Variants in CORO2B observed in about 807,000 individuals in gnomAD.
The protein encoded by CORO2B is coronin-2B.
CORO2B carries 26 observed loss-of-function variants against 58.8 expected under a neutral mutation model. The observed-to-expected ratio is 0.44, with a 90% CI of 0.32 to 0.61. CORO2B has a LOEUF of 0.61. Ranked by LOEUF, CORO2B falls within the 20% of genes least tolerant of loss-of-function variation. The pLI, the probability that CORO2B is intolerant of heterozygous loss-of-function variation, is 0.04. For synonymous variants in CORO2B, 242 were observed against 253.8 expected, an observed-to-expected ratio of 0.95 and a Z score of 0.44; for missense variants, 460 against 645.1, an observed-to-expected ratio of 0.71 and a Z score of 3.11.
rs1900611189 is a variant in CORO2B, at chr15:68,624,227, T to C, written c.16-20933T>C. Among the ~76,000 whole-genome samples the C allele has an allele frequency of 2.0e-5, 3 of 152,272 alleles. No individual in the cohort carries two copies. The South Asian group carries it at 6.2e-4, about 32-fold the overall frequency. On this transcript the variant is annotated intron_variant, in intron 1 of 11. Transcript: ENST00000261861. Reference sequence around the variant, plus strand: ...CAATGTCGGCTATTAGAATCAGCCATGGCACAAGACTTGCAGTGGTGTGAG... The same window carrying C: ...CAATGTCGGCTATTAGAATCAGCCACGGCACAAGACTTGCAGTGGTGTGAG...
intron 1 of CORO2B, among the ~76,000 whole-genome samples, chr15:68,639,009 C>T (rs1901122436): frequency 6.6e-6 from 1 of 152,170 alleles, no homozygotes; most frequent in Non-Finnish European, 1.5e-5. Context: ...CTAATGGAGA[C>T]AGGGCTGCGT....
chr15:68,587,689 A>C (rs1253903060), intron 1 of CORO2B, among the ~76,000 whole-genome samples: 11 of 152,230 alleles, frequency 7.2e-5, no homozygotes, highest in African/African-American at 2.7e-4. Flanking sequence ...CCAAGCATAT[A>C]CAATATGTTT....
intron 2 of CORO2B, among the ~76,000 whole-genome samples, chr15:68,681,878 C>T (rs868567100): frequency 6.6e-6 from 1 of 152,248 alleles, no homozygotes; most frequent in South Asian, 2.1e-4. Flanking sequence ...GAAATCACCC[C>T]CAACCCCAGT....
At chr15:68,638,035 C>T (rs1183884947) in intron 1 of CORO2B, among the ~76,000 whole-genome samples, 1 of 152,142 alleles carries the variant, frequency 6.6e-6, no homozygotes, top group Non-Finnish European at 1.5e-5. Context: ...TCTTGAGAGG[C>T]TATAAGGGCC....
intron 2 of CORO2B, among the ~76,000 whole-genome samples, chr15:68,670,059 A>AC (rs1367917827): frequency 4.5e-5 from 1 of 22,442 alleles, no homozygotes; most frequent in Admixed American, 6.9e-4. Context: ...TCTGTCTCAG[A>AC]AAAAAAAAAG....
At chr15:68,687,545 G>A (rs914985349) in intron 2 of CORO2B, among the ~76,000 whole-genome samples, 2 of 152,188 alleles carry the variant, frequency 1.3e-5, no homozygotes, top group Admixed American at 6.5e-5. Flanking sequence ...GGGAGGGCCC[G>A]GCCATGGCTG....
At chr15:68,637,023 C>A (rs993522005) in intron 1 of CORO2B, among the ~76,000 whole-genome samples, 3 of 152,216 alleles carry the variant, frequency 2.0e-5, no homozygotes, top group Non-Finnish European at 2.9e-5. Flanking sequence ...AGCTACCATA[C>A]AGGACAGTGC....
intron 1 of CORO2B, among the ~76,000 whole-genome samples, chr15:68,584,850 A>G (rs909042762): frequency 7.2e-5 from 11 of 152,104 alleles, no homozygotes; most frequent in African/African-American, 2.4e-4. Context: ...AGGCCTTGCC[A>G]GGGAAGGACA....
chr15:68,606,836 G>T (rs1219082657), intron 1 of CORO2B, among the ~76,000 whole-genome samples: 1 of 152,154 alleles, frequency 6.6e-6, no homozygotes, highest in African/African-American at 2.4e-5. Flanking sequence ...TGGAGGGGTG[G>T]ACATGGAAGA....
chr15:68,678,224 G>C (rs1348396910), intron 2 of CORO2B, among the ~76,000 whole-genome samples: 1 of 152,194 alleles, frequency 6.6e-6, no homozygotes, highest in Admixed American at 6.5e-5. Context: ...CCCAGGTCCT[G>C]TTGTCAGAGA....
intron 2 of CORO2B, among the ~76,000 whole-genome samples, chr15:68,657,484 C>T (rs1166081812): frequency 7.0e-6 from 1 of 143,086 alleles, no homozygotes; most frequent in African/African-American, 2.6e-5. Context: ...TGCCACTGCA[C>T]TCTAGCTTAG....
the CORO2B span, among the ~76,000 whole-genome samples, chr15:68,542,873 A>G: frequency 6.6e-6 from 1 of 152,268 alleles, no homozygotes. Context: ...GTGTCTGCCC[A>G]TGTGGCATGT....
chr15:68,609,068 G>C (rs879561680), intron 1 of CORO2B, among the ~76,000 whole-genome samples: 1 of 152,188 alleles, frequency 6.6e-6, no homozygotes, highest in African/African-American at 2.4e-5. Context: ...CAGGGCCCCC[G>C]GGTGCCTGCA....
intron 2 of CORO2B, among the ~76,000 whole-genome samples, chr15:68,685,301 C>T (rs1482135839): frequency 6.6e-6 from 1 of 152,192 alleles, no homozygotes. Context: ...ACCTCCTCCT[C>T]CTGGGTTCAA....
At chr15:68,531,246 C>T in the CORO2B span, among the ~76,000 whole-genome samples, 117 of 152,128 alleles carry the variant, frequency 7.7e-4, no homozygotes, top group Middle Eastern at 3.4e-3. Context: ...TTTGGGAGGC[C>T]GAGGTGGGTG....
intron 1 of CORO2B, among the ~76,000 whole-genome samples, chr15:68,636,791 GCTAA>G (rs1901045955): frequency 6.6e-6 from 1 of 152,206 alleles, no homozygotes; most frequent in Non-Finnish European, 1.5e-5. Context: ...ACTTTTAGTA[GCTAA>G]CTGATGACTT....
intron 1 of CORO2B, among the ~76,000 whole-genome samples, chr15:68,632,561 T>C (rs1202113544): frequency 6.6e-6 from 1 of 152,208 alleles, no homozygotes; most frequent in Admixed American, 6.5e-5. Context: ...GAACTCTCCC[T>C]GGATAATGGA....
intron 2 of CORO2B, among the ~76,000 whole-genome samples, chr15:68,649,099 C>T (rs74522910): frequency 0.03 from 4,612 of 152,266 alleles, 216 homozygotes; most frequent in African/African-American, 0.1. Context: ...ATGTTTTACA[C>T]TGTCAGTAGC....
chr15:68,606,299 T>C (rs1024133325), intron 1 of CORO2B, among the ~76,000 whole-genome samples: 1 of 152,108 alleles, frequency 6.6e-6, no homozygotes, highest in Non-Finnish European at 1.5e-5. Flanking sequence ...TGGTGGGGCT[T>C]AGCCAAGCAA....
Sources: gnomAD v4.1 joint callset for allele counts (sites outside exome capture counted in the v4.1 genomes callset) on GRCh38, gnomAD v4.1.1 for gene constraint, MANE v1.5 for transcripts, NCBI Gene and HGNC (gene_info 2026-07-23, HGNC 2026-07-21) for gene names.